Variants in C8orf34 observed in about 807,000 individuals in gnomAD.
The protein encoded by C8orf34 is chromosome 8 open reading frame 34.
C8orf34 carries 65 observed loss-of-function variants against 68.3 expected under a neutral mutation model. The observed-to-expected ratio is 0.95, with a 90% CI of 0.78 to 1.17. The LOEUF is 1.17. Among genes scored for constraint, C8orf34 ranks in the 50% most tolerant of loss-of-function variants. C8orf34 has a pLI of 0.00. For synonymous variants in C8orf34, 244 were observed against 241.2 expected (o/e 1.01, Z -0.11); for missense variants, 664 against 655.4 (o/e 1.01, Z -0.14).
intron 6 of C8orf34, among the ~76,000 whole-genome samples, chr8:68,522,742 G>T (rs1342992357): frequency 6.6e-6 from 1 of 152,122 alleles, no homozygotes; most frequent in East Asian, 1.9e-4. Context: ...CAAAGTATCT[G>T]GGGTGAAAAA....
At chr8:68,804,211 C>T (rs1232871555) in intron 12 of C8orf34, among the ~76,000 whole-genome samples, 1 of 152,156 alleles carries the variant, frequency 6.6e-6, no homozygotes, top group Non-Finnish European at 1.5e-5. Context: ...GCCAAATCTG[C>T]CATCTTCAAA....
chr8:68,641,751 T>C (rs2130740684), intron 8 of C8orf34, among the ~76,000 whole-genome samples: 1 of 152,336 alleles, frequency 6.6e-6, no homozygotes, highest in East Asian at 1.9e-4. Flanking sequence ...AATGTTTTTC[T>C]AATCTATTGA....
chr8:68,442,186 G>T (rs944021741), intron 2 of C8orf34, among the ~76,000 whole-genome samples: 2 of 152,096 alleles, frequency 1.3e-5, no homozygotes, highest in African/African-American at 2.4e-5. Flanking sequence ...CAAGACAAGT[G>T]GTTGGGGGGT....
chr8:68,808,855 A>G (rs1267389471), intron 12 of C8orf34, among the ~76,000 whole-genome samples: 3 of 152,078 alleles, frequency 2.0e-5, no homozygotes, highest in Non-Finnish European at 4.4e-5. Context: ...TTAGGTTTCT[A>G]TTTACTTTTA....
rs573766425 is a variant in C8orf34, at chr8:68,430,418, A to G, written c.328-9081A>G. On this transcript the variant is annotated intron_variant, in intron 1 of 13. Coordinates refer to ENST00000518698, the MANE Select transcript of C8orf34 (RefSeq NM_052958.4). ...GGAGTACTGTGAGCTATTCTAGCAA[A>G]TTGTCAAACCTGAGGAGATCATAGG... Among the ~76,000 whole-genome samples the G allele has an allele frequency of 2.1e-4, 32 of 152,260 alleles. 1 individual carries two copies. The highest frequency in any genetic ancestry group is 6.8e-3 in the Middle Eastern group (2 of 294).
At chr8:68,383,563 C>T (rs1808134069) in intron 1 of C8orf34, among the ~76,000 whole-genome samples, 1 of 152,194 alleles carries the variant, frequency 6.6e-6, no homozygotes, top group Non-Finnish European at 1.5e-5. Context: ...TCTAAGGTTT[C>T]AGGTCCAGTA....
intron 12 of C8orf34, among the ~76,000 whole-genome samples, chr8:68,798,308 T>TTA (rs1028546445): frequency 6.7e-6 from 1 of 149,044 alleles, no homozygotes; most frequent in African/African-American, 2.5e-5. Flanking sequence ...TTTTTTTTTT[T>TTA]AAACAGAGTC....
intron 5 of C8orf34, among the ~76,000 whole-genome samples, chr8:68,500,098 C>T (rs141623039): frequency 2.0e-5 from 3 of 152,276 alleles, no homozygotes; most frequent in African/African-American, 7.2e-5. Context: ...GAAGCAGATG[C>T]CAGCACCATG....
chr8:68,719,116 T>C (rs144715016), intron 9 of C8orf34, among the ~76,000 whole-genome samples: 13 of 152,318 alleles, frequency 8.5e-5, no homozygotes, highest in African/African-American at 2.2e-4. Flanking sequence ...ACATAAACAA[T>C]GGCATTTACT....
intron 12 of C8orf34, among the ~76,000 whole-genome samples, chr8:68,808,765 C>T (rs368058757): frequency 2.0e-5 from 3 of 151,984 alleles, no homozygotes; most frequent in South Asian, 2.1e-4. Flanking sequence ...TTTTAATATC[C>T]GCAGGGGTCT....
intron 9 of C8orf34, 126 bp downstream of exon 9, chr8:68,709,205 T>C (rs1445635403): frequency 2.9e-6 from 2 of 701,522 alleles, no homozygotes; most frequent in African/African-American, 3.6e-5. Flanking sequence ...ACGTCACATA[T>C]CTACCGCTGG....
At chr8:68,793,023 A>G (rs1824055774) in intron 12 of C8orf34, among the ~76,000 whole-genome samples, 1 of 152,282 alleles carries the variant, frequency 6.6e-6, no homozygotes, top group Admixed American at 6.5e-5. Flanking sequence ...ATATAGTACA[A>G]TCTCCACAAG....
chr8:68,439,537 G>T lies in C8orf34; in HGVS notation c.366G>T (p.Gln122His), dbSNP rs774816194. ...AGTTAATAACTGAGACACCTGACCA[G>T]CCAATCCCATTTCTCATTGACCATC... The part of the protein sequence containing the change: ...MTKLITETPD[Q>H]PIPFLIDHLQ... The change falls in exon 2 of 14, where the codon CAG (glutamine) becomes CAT (histidine). Residue 122 changes from glutamine (Q) to histidine (H), a missense_variant. Physicochemically the swap from Gln to His is conservative, Grantham distance 24. Coordinates refer to ENST00000518698, the MANE Select transcript of C8orf34 (RefSeq NM_052958.4). The T allele has an allele frequency of 1.2e-6, 2 of 1,613,682 alleles. No individual in the cohort carries two copies. Among genetic ancestry groups the T allele is most frequent in the Non-Finnish European group, 1.7e-6 (2 of 1,179,758 alleles).
chr8:68,815,922 C>G lies in C8orf34; in HGVS notation c.1586C>G (p.Ser529Cys). The G allele has an allele frequency of 6.2e-7, 1 of 1,613,794 alleles. No homozygotes were observed. The highest frequency in any genetic ancestry group is 8.5e-7 in the Non-Finnish European group (1 of 1,179,780). ...CTTCTTCTTTGCGTTCCATGCTCTT[C>G]TTGTCCTACGCTGGTCTACTCTGGT... is the stretch of plus-strand genomic sequence containing the variant. The part of the protein sequence containing the change: ...ADLLLCVPCS[S>C]CPTLVYSGL Residue 529 changes from serine to cysteine, a missense_variant, in exon 13 of 14, where the codon TCT (serine) becomes TGT (cysteine). Ser to Cys is a moderately radical substitution (Grantham distance 112, BLOSUM62 -1). Transcript: ENST00000518698.
intron 1 of C8orf34, among the ~76,000 whole-genome samples, chr8:68,378,645 T>C (rs1357161918): frequency 6.6e-6 from 1 of 152,142 alleles, no homozygotes; most frequent in Non-Finnish European, 1.5e-5. Context: ...AATAACCAAG[T>C]CCTTGGTGAT....
At chr8:68,470,268 C>G (rs1052375771) in intron 4 of C8orf34, among the ~76,000 whole-genome samples, 1 of 152,026 alleles carries the variant, frequency 6.6e-6, no homozygotes, top group African/African-American at 2.4e-5. Context: ...CTTCAGGGCT[C>G]TTTATAGTCT....
chr8:68,344,578 A>G (rs1002400573), intron 1 of C8orf34, among the ~76,000 whole-genome samples: 3 of 152,166 alleles, frequency 2.0e-5, no homozygotes, highest in African/African-American at 4.8e-5. Context: ...ATTTCTTTAT[A>G]TTATTTCTAA....
At chr8:68,431,931 A>G (rs1810468202) in intron 1 of C8orf34, among the ~76,000 whole-genome samples, 2 of 152,136 alleles carry the variant, frequency 1.3e-5, no homozygotes, top group Non-Finnish European at 1.5e-5. Flanking sequence ...ATTTTATTCC[A>G]TAGTATACAA....
intron 9 of C8orf34, among the ~76,000 whole-genome samples, chr8:68,711,802 G>A (rs1821335853): frequency 6.6e-6 from 1 of 152,094 alleles, no homozygotes; most frequent in Non-Finnish European, 1.5e-5. Context: ...CCTTGCTAGA[G>A]ATCTAGAACT....
Sources: allele counts gnomAD v4.1 joint callset (sites outside exome capture counted in the v4.1 genomes callset), GRCh38; gene constraint gnomAD v4.1.1; transcripts MANE v1.5; gene names NCBI Gene and HGNC (gene_info 2026-07-23, HGNC 2026-07-21).